Variants in RNF44 observed in about 807,000 individuals in gnomAD.
RNF44 encodes ring finger protein 44.
In RNF44, 25 loss-of-function variants were observed where a neutral mutation model predicts 53.6. That is an observed-to-expected ratio of 0.47 (90% CI 0.34 to 0.65). RNF44 has a LOEUF of 0.65. Ranked by LOEUF, RNF44 falls within the 30% of genes least tolerant of loss-of-function variation. The probability of loss-of-function intolerance (pLI) is 0.01; values close to 1 mark genes in which losing one functional copy is unlikely to be tolerated. For synonymous variants in RNF44, 282 were observed against 252.2 expected, an observed-to-expected ratio of 1.12 and a Z score of -1.12; for missense variants, 581 against 595.5, an observed-to-expected ratio of 0.98 and a Z score of 0.25.
In RNF44 at chr5:176,529,358, G is replaced by A. The variant is rs776918972; in HGVS notation, c.1166C>T (p.Ala389Val). Residue 389 changes from alanine (A) to valine (V), a missense_variant, in exon 10 of 11, where the codon GCG becomes GTG. By Grantham distance (64) the Ala-to-Val change is moderately conservative. Coordinates refer to ENST00000274811, the MANE Select transcript of RNF44 (RefSeq NM_014901.5). ...GGGGAGGACTCGGAGCAGCTGCCGC[G>A]CCTCGAAGTCACTGAAGCAGACCAC... ...LCVVCFSDFE[A>V]RQLLRVLPCN... is the part of the protein sequence containing the mutation. 53 of 1,613,356 alleles carry A rather than the reference G, an allele frequency of 3.3e-5. No individual in the cohort carries two copies. Among genetic ancestry groups the A allele is most frequent in the South Asian group, 5.5e-5 (5 of 91,074 alleles).
At chr5:176,530,790 C>A in intron 5 of RNF44, 47 bp from the exon 6 acceptor site, 1 of 1,476,634 alleles carries the variant, frequency 6.8e-7, no homozygotes. Context: ...ACGAGGCTGT[C>A]CTCACCCTGC....
upstream of RNF44, among the ~76,000 whole-genome samples, chr5:176,538,911 G>T (rs1757377375): frequency 6.6e-6 from 1 of 152,072 alleles, no homozygotes; most frequent in African/African-American, 2.4e-5. Context: ...GGAGAAGTTG[G>T]GTCAGTAGGA....
In RNF44 at chr5:176,529,281, G is replaced by A; in HGVS notation, c.1236+7C>T. The stretch of plus-strand genomic sequence containing the variant: ...GAATACCCAGGAGCAGACCTGGGCA[G>A]TGTTACCTTCAACCACTTGTCAACA... On this transcript the variant is annotated splice_region_variant and intron_variant, in intron 10 of 10. Coordinates refer to ENST00000274811, the MANE Select transcript of RNF44 (RefSeq NM_014901.5). 1 of 1,612,438 alleles carries A rather than the reference G, an allele frequency of 6.2e-7. No homozygotes were observed. The highest frequency in any genetic ancestry group is 8.5e-7 in the Non-Finnish European group (1 of 1,178,826).
In RNF44 at chr5:176,529,297, C is replaced by T. The variant is rs1756336544; in HGVS notation, c.1227G>A (p.Lys409=). Residue 409 remains lysine (K), a synonymous_variant, in exon 10 of 11, where the codon AAG becomes AAA. Transcript: ENST00000274811. ...NHEFHTKCVD[K]WLKANRTCPI... ...ACCTGGGCAGTGTTACCTTCAACCA[C>T]TTGTCAACACACTTGGTGTGGAACT... 1.2e-6 allele frequency: 2 copies of T among 1,613,512 alleles called. No homozygotes were observed. The highest frequency in any genetic ancestry group is 1.1e-5 in the South Asian group (1 of 91,096).
At position 176,532,439 on chromosome 5, in the gene RNF44, G is replaced by A. The variant is rs374232487; in HGVS notation, c.34C>T (p.Pro12Ser). Residue 12 changes from proline to serine, a missense_variant, in exon 2 of 11, where the codon CCA (proline) becomes TCA (serine). Pro to Ser is a moderately conservative substitution (Grantham distance 74). Around this residue, in one of 3 missense-constraint regions of RNF44, gnomAD observed 387 missense variants for 366.0 expected, o/e 1.06. Transcript: ENST00000274811. ...RPWALAVTRW[P>S]PSAPVGQRRF... ...CGCTGGCCCACGGGGGCGGAGGGTGGCCACCTAGTCACTGCCAGAGCCCAT... is the reference window on the plus strand; with the variant it reads ...CGCTGGCCCACGGGGGCGGAGGGTGACCACCTAGTCACTGCCAGAGCCCAT... 2.5e-6 allele frequency: 4 copies of A among 1,596,948 alleles called. No homozygotes were observed. Among genetic ancestry groups the A allele is most frequent in the African/African-American group, 1.3e-5 (1 of 74,410 alleles).
upstream of RNF44, chr5:176,537,954 T>C (rs1194766930): frequency 6.6e-6 from 1 of 152,028 alleles, no homozygotes; most frequent in African/African-American, 2.4e-5. Context: ...CACGGCGTCT[T>C]TAAAAAGCTG....
Position 176,531,322 on chromosome 5 carries a change from TG to T in RNF44, c.465+140del. The T allele has an allele frequency of 1.3e-6, 1 of 795,322 alleles. No individual in the cohort carries two copies. The highest frequency in any genetic ancestry group is 2.0e-6 in the Non-Finnish European group (1 of 512,762). The allele number at this position is 795,322 out of a possible 1,614,324, so 49.3% of individuals were successfully genotyped here. A position where few individuals can be genotyped will look rare whatever the true frequency, so the allele number is the denominator to read the frequency against. On this transcript the variant is annotated intron_variant, in intron 4 of 10. Coordinates refer to ENST00000274811, the MANE Select transcript of RNF44 (RefSeq NM_014901.5). The surrounding 1 kb of genome is among the most constrained non-coding windows in gnomAD (Gnocchi z 4.2). ...AAATGTGAACACGCGTATGCTTTCC[TG>T]GGGAGGCCAGGCAGGCGCTCTGACA...
At chr5:176,538,671 T>C (rs1186025995), upstream of RNF44, among the ~76,000 whole-genome samples, 1 of 148,416 alleles carries the variant, frequency 6.7e-6, no homozygotes, top group Non-Finnish European at 1.5e-5. Context: ...TGTTAACATC[T>C]GTTAACCTGT....
chr5:176,533,928 T>G (rs1284609237), intron 1 of RNF44, among the ~76,000 whole-genome samples: 2 of 152,222 alleles, frequency 1.3e-5, no homozygotes, highest in African/African-American at 2.4e-5. Context: ...AAAACTCCTA[T>G]GCATCCTTGA....
In RNF44 at chr5:176,528,787, C is replaced by T; in HGVS notation, c.*241G>A. 2 of 581,274 alleles carry T rather than the reference C, an allele frequency of 3.4e-6. No individual in the cohort carries two copies. Among genetic ancestry groups the T allele is most frequent in the Non-Finnish European group, 6.1e-6 (2 of 327,310 alleles). The allele number at this position is 581,274 out of a possible 1,614,324, so 36.0% of individuals were successfully genotyped here. A position where few individuals can be genotyped will look rare whatever the true frequency, so the allele number is the denominator to read the frequency against. ...CAGGAGGGAGACCCGATCAGGGACA[C>T]TCAGGCAGCTCCGTGGCGGGCGGGC... On this transcript the variant is annotated 3_prime_UTR_variant, in exon 11 of 11. Coordinates refer to ENST00000274811, the MANE Select transcript of RNF44 (RefSeq NM_014901.5).
upstream of RNF44, among the ~76,000 whole-genome samples, chr5:176,542,301 C>T (rs1328816672): frequency 6.6e-6 from 1 of 151,984 alleles, no homozygotes; most frequent in Non-Finnish European, 1.5e-5. Context: ...TCAGTAAGGT[C>T]TGTGAGGCTG....
upstream of RNF44, among the ~76,000 whole-genome samples, chr5:176,539,842 G>T (rs1054589047): frequency 2.0e-5 from 3 of 152,096 alleles, no homozygotes; most frequent in Admixed American, 1.3e-4. Context: ...CTTCCTGCCC[G>T]AACTTTTCAG....
chr5:176,530,915 G>A lies in RNF44; in HGVS notation c.572C>T (p.Pro191Leu). 7.6e-7 allele frequency: 1 copy of A among 1,310,558 alleles called. No homozygotes were observed. The highest frequency in any genetic ancestry group is 1.0e-6 in the Non-Finnish European group (1 of 982,076). 81.2% of individuals were successfully genotyped at this position (1,310,558 alleles called of 1,614,324 possible). Reference sequence around the variant, plus strand: ...GGGCGCCATGTGGGTGGGCTGGGGGGGTGGGGCCGGTGGTGGGGGGTGCAG... The same window carrying A: ...GGGCGCCATGTGGGTGGGCTGGGGGAGTGGGGCCGGTGGTGGGGGGTGCAG... ...YILHPPPPAP[P>L]PQPTHMAPLG... is the part of the protein sequence containing the mutation. Residue 191 changes from proline to leucine, a missense_variant, in exon 5 of 11, where the codon CCC (proline) becomes CTC (leucine). Coordinates refer to ENST00000274811, the MANE Select transcript of RNF44 (RefSeq NM_014901.5).
rs1756303195 is a variant in RNF44, at chr5:176,529,036, C to T, written c.1291G>A (p.Ala431Thr). The change falls in exon 11 of 11, where the codon GCT (alanine) becomes ACT (threonine). Residue 431 changes from alanine to threonine, a missense_variant. Transcript: ENST00000274811. ...RADASEVPRE[A>T]E is the part of the protein sequence containing the mutation. The stretch of plus-strand genomic sequence containing the variant: ...CAGGCGGCTGCGTGGCCTCACTCAG[C>T]CTCCCTGGGCACCTCGGAGGCGTCG... The T allele has an allele frequency of 1.2e-6, 2 of 1,612,296 alleles. No homozygotes were observed. The highest frequency in any genetic ancestry group is 1.7e-6 in the Non-Finnish European group (2 of 1,179,762).
chr5:176,533,460 G>A (rs1216803206), intron 1 of RNF44, among the ~76,000 whole-genome samples: 1 of 152,192 alleles, frequency 6.6e-6, no homozygotes, highest in Admixed American at 6.5e-5. Context: ...TGTTAAAGCT[G>A]GGAGGTGGGC....
chr5:176,538,154 G>A (rs1317144270), upstream of RNF44: 2 of 152,230 alleles, frequency 1.3e-5, no homozygotes, highest in African/African-American at 4.8e-5. Context: ...TGCAGGCGCT[G>A]GGCGCTCTAG....
Position 176,529,061 on chromosome 5 carries a change from G to A in RNF44, c.1266C>T (p.Ala422=), listed in dbSNP as rs774304578. ...KANRTCPICR[A]DASEVPREAE ...CCTCCCTGGGCACCTCGGAGGCGTC[G>A]GCCCGGCAGATGGGACACGTCCGGT... is the stretch of plus-strand genomic sequence containing the variant. Residue 422 remains alanine (A), a synonymous_variant, in exon 11 of 11, where the codon GCC becomes GCT. Coordinates refer to ENST00000274811, the MANE Select transcript of RNF44 (RefSeq NM_014901.5). 30 of 1,613,010 alleles carry A rather than the reference G, an allele frequency of 1.9e-5. No homozygotes were observed. Among genetic ancestry groups the A allele is most frequent in the South Asian group, 1.4e-4 (13 of 91,062 alleles).
intron 1 of RNF44, among the ~76,000 whole-genome samples, chr5:176,536,624 A>T (rs2113197793): frequency 6.6e-6 from 1 of 152,250 alleles, no homozygotes. Flanking sequence ...CTGCGACTTT[A>T]AGAGCCGAGG....
rs1756631480 is a variant in RNF44, at chr5:176,531,263, G to A, written c.465+200C>T. Among the ~76,000 whole-genome samples, 1 of 152,226 alleles carries A rather than the reference G, an allele frequency of 6.6e-6. No individual in the cohort carries two copies. Among genetic ancestry groups the A allele is most frequent in the East Asian group, 1.9e-4 (1 of 5,202 alleles). ...GCTGTGAGGCAGGTACAGGGGTACT[G>A]GAAGGTTCCTGAACCTTGAAACACT... On this transcript the variant is annotated intron_variant, in intron 4 of 10. Coordinates refer to ENST00000274811, the MANE Select transcript of RNF44 (RefSeq NM_014901.5). The surrounding 1 kb of genome is among the most constrained non-coding windows in gnomAD (Gnocchi z 4.2).
Sources: gnomAD v4.1 joint callset for allele counts (sites outside exome capture counted in the v4.1 genomes callset) on GRCh38, gnomAD v4.1.1 for gene constraint, gnomAD v4.1.1 regional missense constraint, Gnocchi (gnomAD v3.1) non-coding constraint, MANE v1.5 for transcripts, NCBI Gene and HGNC (gene_info 2026-07-23, HGNC 2026-07-21) for gene names.